NYX: variants seen among roughly 807,000 people sequenced by gnomAD.
NYX encodes the protein nyctalopin.
For synonymous variants in NYX, 258 were observed against 245.7 expected (o/e 1.05, Z -0.47); for missense variants, 481 against 485.4 (o/e 0.99, Z 0.09).
At chrX:41,450,510 A>C (rs754706292) in intron 2 of NYX, among the ~76,000 whole-genome samples, 2 of 110,433 alleles carry the variant, frequency 1.8e-5, no homozygotes, top group Non-Finnish European at 3.8e-5. Flanking sequence ...GCCTCAAGTG[A>C]TCTGCCTGCC....
intron 2 of NYX, among the ~76,000 whole-genome samples, chrX:41,473,104 T>C (rs1056250589): frequency 8.0e-5 from 9 of 111,978 alleles, no homozygotes; most frequent in African/African-American, 2.9e-4. Context: ...GGTCAGCTTT[T>C]AATATTTAAC....
Position 41,447,936 on chromosome X carries a change from C to G in NYX, c.22+10C>G. The G allele has an allele frequency of 8.3e-7, 1 of 1,208,917 alleles. No individual in the cohort carries two copies. Among genetic ancestry groups the G allele is most frequent in the South Asian group, 1.8e-5 (1 of 56,664 alleles). On this transcript the variant is annotated intron_variant, in intron 2 of 2. Transcript: ENST00000378220. ...GTCCTGCTTCTGCATGGTGAGTTCT[C>G]CTGCCGGTGGGTGCAAGGGTTGGGA...
intron 2 of NYX, among the ~76,000 whole-genome samples, chrX:41,468,019 T>C (rs182001423): frequency 1.3e-3 from 150 of 111,793 alleles, no homozygotes; most frequent in Middle Eastern, 4.6e-3. Flanking sequence ...CTAATGGCTA[T>C]CAAAGTTTCA....
chrX:41,455,991 T>A (rs775750208), intron 2 of NYX, among the ~76,000 whole-genome samples: 1 of 111,276 alleles, frequency 9.0e-6, no homozygotes, highest in Non-Finnish European at 1.9e-5. Flanking sequence ...AGTTTCCTTT[T>A]GGTTGAGGGG....
At chrX:41,461,474 G>A (rs1317544235) in intron 2 of NYX, among the ~76,000 whole-genome samples, 1 of 109,056 alleles carries the variant, frequency 9.2e-6, no homozygotes, top group African/African-American at 3.3e-5. Flanking sequence ...TTGCAATTGC[G>A]AATTGTGCTG....
chrX:41,474,254 C>T lies in NYX; in HGVS notation c.786C>T (p.Asp262=). ...TCAACCTGGGTGGCAACGCGCTGGACCGCGTGGCGCGCGCCTGGTTCGCTG... is the reference window on the plus strand; with the variant it reads ...TCAACCTGGGTGGCAACGCGCTGGATCGCGTGGCGCGCGCCTGGTTCGCTG... The part of the protein sequence containing the change: ...RTLNLGGNAL[D]RVARAWFADL... Residue 262 remains aspartate, a synonymous_variant, in exon 3 of 3, where the codon GAC becomes GAT. Coordinates refer to ENST00000378220, the MANE Select transcript of NYX (RefSeq NM_001378477.3). 1 of 1,203,330 alleles carries T rather than the reference C, an allele frequency of 8.3e-7. No homozygotes were observed. Among genetic ancestry groups the T allele is most frequent in the Non-Finnish European group, 1.1e-6 (1 of 894,821 alleles).
chrX:41,466,766 C>T (rs184837494), intron 2 of NYX, among the ~76,000 whole-genome samples: 2,856 of 74,712 alleles, frequency 0.038, 88 homozygotes, highest in African/African-American at 0.095. Context: ...GACAGGGTTT[C>T]GCCATGTTGG....
chrX:41,452,193 G>C (rs934981373), intron 2 of NYX, among the ~76,000 whole-genome samples: 1 of 110,669 alleles, frequency 9.0e-6, no homozygotes. Context: ...GGCTGGTCTT[G>C]AACTCGTGAC....
intron 2 of NYX, among the ~76,000 whole-genome samples, chrX:41,473,086 C>A (rs950246935): frequency 5.3e-5 from 6 of 112,315 alleles, no homozygotes; most frequent in Non-Finnish European, 9.4e-5. Flanking sequence ...GCGTGAGCCA[C>A]TGCGACCGGT....
chrX:41,473,980 G>A lies in NYX; in HGVS notation c.512G>A (p.Gly171Asp), dbSNP rs897030868. The A allele has an allele frequency of 1.0e-5, 11 of 1,073,249 alleles. No homozygotes were observed. The highest frequency in any genetic ancestry group is 1.3e-5 in the Non-Finnish European group (11 of 833,677). 88.4% of individuals were successfully genotyped at this position (1,073,249 alleles called of 1,213,427 possible). ...GACAACCTGTTCCGCCGCGTGCCGG[G>A]CGCGCTGCGCGGCCTGGCCAACCTG... The part of the protein sequence containing the change: ...AFDNLFRRVP[G>D]ALRGLANLTH... Residue 171 changes from glycine to aspartate, a missense_variant, in exon 3 of 3, where the codon GGC (glycine) becomes GAC (aspartate). Transcript: ENST00000378220.
intron 2 of NYX, among the ~76,000 whole-genome samples, chrX:41,451,788 G>T (rs887651795): frequency 9.1e-6 from 1 of 109,783 alleles, no homozygotes; most frequent in Admixed American, 9.8e-5. Context: ...TGCTGGGATT[G>T]CATGCGTGAG....
Position 41,457,067 on chromosome X carries a change from G to A in NYX, c.22+9141G>A, listed in dbSNP as rs188553955. The stretch of plus-strand genomic sequence containing the variant: ...TCATGCCTGTAATCCCAGCACTTTG[G>A]GAGGCTGAGGCGGGTGGATCACCTG... On this transcript the variant is annotated intron_variant, in intron 2 of 2. Coordinates refer to ENST00000378220, the MANE Select transcript of NYX (RefSeq NM_001378477.3). Among the ~76,000 whole-genome samples the A allele has an allele frequency of 3.1e-4, 34 of 111,312 alleles. No individual in the cohort carries two copies. The East Asian group carries it at 9.4e-3, about 31-fold the overall frequency.
In NYX at chrX:41,447,804, T is replaced by G. The variant is rs755997910; in HGVS notation, c.-56-45T>G. On this transcript the variant is annotated intron_variant, in intron 1 of 2. Coordinates refer to ENST00000378220, the MANE Select transcript of NYX (RefSeq NM_001378477.3). ...GTGTGGAGGCATGGGAGGGTTCTCA[T>G]GGGGCCCTCCTGGGCACTGGGTGAC... The G allele has an allele frequency of 3.1e-5, 31 of 992,164 alleles. No individual in the cohort carries two copies. Among genetic ancestry groups the G allele is most frequent in the Non-Finnish European group, 4.4e-5 (31 of 704,768 alleles). The allele number at this position is 992,164 out of a possible 1,213,427, so 81.8% of individuals were successfully genotyped here.
chrX:41,472,362 C>A, intron 2 of NYX: 2 of 1,155,654 alleles, frequency 1.7e-6, no homozygotes, highest in South Asian at 3.6e-5. Flanking sequence ...TTGGCCACAT[C>A]CATGTCGGTG....
chrX:41,475,029 T>G lies in NYX; in HGVS notation c.*130T>G, dbSNP rs891839220. On this transcript the variant is annotated 3_prime_UTR_variant, in exon 3 of 3. Coordinates refer to ENST00000378220, the MANE Select transcript of NYX (RefSeq NM_001378477.3). ...GGAAGGAACCGTTTGCCTCCAGAGATGGCCCCAGGGAGAACACAGGGACGT... is the reference window on the plus strand; with the variant it reads ...GGAAGGAACCGTTTGCCTCCAGAGAGGGCCCCAGGGAGAACACAGGGACGT... 10 of 604,695 alleles carry G rather than the reference T, an allele frequency of 1.7e-5. No homozygotes were observed. Among genetic ancestry groups the G allele is most frequent in the African/African-American group, 2.2e-5 (1 of 45,043 alleles). The allele number at this position is 604,695 out of a possible 1,213,427, so 49.8% of individuals were successfully genotyped here.
rs375747923 is a variant in NYX at position 41,468,293 on chromosome X, T to TC, written c.23-5198_23-5197insC. ...CCCAGGAGTTCCTTGACAAATAATT[T>TC]TTTTTTTTTTTTTTTTGAGACAGAG... On this transcript the variant is annotated intron_variant, in intron 2 of 2. Transcript: ENST00000378220. 9.0e-3 allele frequency among the ~76,000 whole-genome samples: 215 copies of TC among 23,983 alleles called. 1 individual carries two copies. The highest frequency in any genetic ancestry group is 0.031 in the African/African-American group (203 of 6,651). 20.8% of individuals were successfully genotyped at this position (23,983 alleles called of 115,157 possible). A position where few individuals can be genotyped will look rare whatever the true frequency, so the allele number is the denominator to read the frequency against.
rs765627273 is a variant in NYX at position 41,475,099 on chromosome X, C to T, written c.*200C>T. 4.4e-6 allele frequency: 2 copies of T among 451,496 alleles called. No individual in the cohort carries two copies. The highest frequency in any genetic ancestry group is 3.7e-5 in the East Asian group (1 of 26,840). The allele number at this position is 451,496 out of a possible 1,213,427, so 37.2% of individuals were successfully genotyped here. A position where few individuals can be genotyped will look rare whatever the true frequency, so the allele number is the denominator to read the frequency against. ...GGTATGGATTTCTGCTTTTGTCACACGGGCATCCATTGGAAAAGAGAAGCA... is the reference window on the plus strand; with the variant it reads ...GGTATGGATTTCTGCTTTTGTCACATGGGCATCCATTGGAAAAGAGAAGCA... On this transcript the variant is annotated 3_prime_UTR_variant, in exon 3 of 3. Coordinates refer to ENST00000378220, the MANE Select transcript of NYX (RefSeq NM_001378477.3).
intron 2 of NYX, among the ~76,000 whole-genome samples, chrX:41,470,406 T>C (rs1348629245): frequency 8.9e-6 from 1 of 112,036 alleles, no homozygotes; most frequent in Non-Finnish European, 1.9e-5. Context: ...TAAAAATCAT[T>C]GATGCAGCTG....
At position 41,459,385 on chromosome X, in the gene NYX, G is replaced by A. The variant is rs906859006; in HGVS notation, c.22+11459G>A. On this transcript the variant is annotated intron_variant, in intron 2 of 2. Coordinates refer to ENST00000378220, the MANE Select transcript of NYX (RefSeq NM_001378477.3). ...TGTAATCCCAGCACTTTGGGAGGCCGAGGCAGGTGGATCTCCTGAGGTCAG... is the reference window on the plus strand; with the variant it reads ...TGTAATCCCAGCACTTTGGGAGGCCAAGGCAGGTGGATCTCCTGAGGTCAG... Among the ~76,000 whole-genome samples the A allele has an allele frequency of 1.6e-4, 18 of 110,290 alleles. 1 individual carries two copies. Among genetic ancestry groups the A allele is most frequent in the Non-Finnish European group, 2.1e-4 (11 of 52,738 alleles).
Sources: allele counts gnomAD v4.1 joint callset (sites outside exome capture counted in the v4.1 genomes callset), GRCh38; gene constraint gnomAD v4.1.1; transcripts MANE v1.5; gene names NCBI Gene and HGNC (gene_info 2026-07-23, HGNC 2026-07-21).